PRKCE: variants seen among roughly 807,000 people sequenced by gnomAD.
PRKCE encodes protein kinase C epsilon.
A neutral mutation model predicts 85.4 loss-of-function variants in PRKCE; 16 were observed. That is an observed-to-expected ratio of 0.19 (90% CI 0.13 to 0.28). The LOEUF (loss-of-function observed/expected upper bound fraction) is 0.28. Among genes scored for constraint, PRKCE ranks in the 10% least tolerant of loss-of-function variants. The probability of loss-of-function intolerance (pLI) is 1.00; values close to 1 mark genes in which losing one functional copy is unlikely to be tolerated. For missense variants in PRKCE, 573 were observed against 975.2 expected, an observed-to-expected ratio of 0.59 and a Z score of 5.49; for synonymous variants, 388 against 371.5, an observed-to-expected ratio of 1.04 and a Z score of -0.51.
At chr2:45,661,497 GT>G (rs1333149314) in intron 1 of PRKCE, among the ~76,000 whole-genome samples, 4 of 131,024 alleles carry the variant, frequency 3.1e-5, no homozygotes, top group Non-Finnish European at 4.9e-5. Flanking sequence ...TTCAAGAAGA[GT>G]TTTTTTTGTT....
At chr2:46,077,204 AAATAAT>A (rs539685237) in intron 10 of PRKCE, among the ~76,000 whole-genome samples, 1,772 of 151,746 alleles carry the variant, frequency 0.012, 15 homozygotes, top group Middle Eastern at 0.034. Flanking sequence ...CGCACACCCA[AAATAAT>A]AATAATAATA....
intron 2 of PRKCE, among the ~76,000 whole-genome samples, chr2:45,893,318 C>T (rs1194365510): frequency 1.3e-5 from 2 of 151,624 alleles, no homozygotes; most frequent in South Asian, 2.1e-4. Flanking sequence ...TCATCTCCCA[C>T]AGCACAGCCT....
At chr2:45,958,816 ATTTTTTTTTTTTT>A (rs569651784) in intron 2 of PRKCE, among the ~76,000 whole-genome samples, 154 of 17,990 alleles carry the variant, frequency 8.6e-3, no homozygotes, top group South Asian at 0.012. Context: ...ATATATATAT[ATTTTTTTTTTTTT>A]TTTTTTTTTT....
chr2:46,010,637 A>G lies in PRKCE; in HGVS notation c.1437+120A>G, dbSNP rs757402016. 25 of 1,599,128 alleles carry G rather than the reference A, an allele frequency of 1.6e-5. No individual in the cohort carries two copies. The South Asian group carries it at 2.5e-4, about 16-fold the overall frequency. On this transcript the variant is annotated intron_variant, in intron 10 of 14. Transcript: ENST00000306156. Reference sequence around the variant, plus strand: ...GACTTTGTAAAGTGGGATGGGTTTTACCCTTGAAAAGATCAGGATGTATTT... The same window carrying G: ...GACTTTGTAAAGTGGGATGGGTTTTGCCCTTGAAAAGATCAGGATGTATTT...
chr2:46,128,061 A>G (rs1674040298), intron 11 of PRKCE, among the ~76,000 whole-genome samples: 1 of 152,258 alleles, frequency 6.6e-6, no homozygotes, highest in Non-Finnish European at 1.5e-5. Flanking sequence ...GGCAGTAAAG[A>G]TAAAATGAAA....
intron 2 of PRKCE, among the ~76,000 whole-genome samples, chr2:45,972,339 G>T (rs575297816): frequency 6.6e-6 from 1 of 152,152 alleles, no homozygotes; most frequent in African/African-American, 2.4e-5. Flanking sequence ...TGAATTGTGG[G>T]AGTTTCTTAT....
At chr2:45,819,332 A>C (rs187498264) in intron 1 of PRKCE, among the ~76,000 whole-genome samples, 1 of 152,118 alleles carries the variant, frequency 6.6e-6, no homozygotes, top group Non-Finnish European at 1.5e-5. Flanking sequence ...TCCCAATCCC[A>C]TGTGGTACCC....
At chr2:45,833,371 GCC>G (rs753393040) in intron 1 of PRKCE, among the ~76,000 whole-genome samples, 19 of 152,228 alleles carry the variant, frequency 1.2e-4, no homozygotes, top group Non-Finnish European at 2.6e-4. Context: ...CTCAATCCCA[GCC>G]CTGAATCAAG....
intron 1 of PRKCE, among the ~76,000 whole-genome samples, chr2:45,796,456 T>TA (rs1687442944): frequency 6.6e-6 from 1 of 152,216 alleles, no homozygotes; most frequent in African/African-American, 2.4e-5. Context: ...TGCCACATAA[T>TA]ACAAGCATTG....
chr2:45,945,453 A>G (rs1700178328), intron 2 of PRKCE, among the ~76,000 whole-genome samples: 1 of 151,990 alleles, frequency 6.6e-6, no homozygotes, highest in Non-Finnish European at 1.5e-5. Flanking sequence ...GCCCCAAGCC[A>G]TTCATGAGGG....
chr2:45,775,060 G>C (rs577373782), intron 1 of PRKCE, among the ~76,000 whole-genome samples: 1 of 152,158 alleles, frequency 6.6e-6, no homozygotes, highest in East Asian at 1.9e-4. Context: ...GTTCCCAAGG[G>C]GGGCCTTGAG....
intron 2 of PRKCE, among the ~76,000 whole-genome samples, chr2:45,898,963 G>A (rs1314331526): frequency 1.3e-5 from 2 of 152,220 alleles, no homozygotes; most frequent in Non-Finnish European, 2.9e-5. Flanking sequence ...AATCTTCTTA[G>A]CTAGGCCATA....
intron 1 of PRKCE, among the ~76,000 whole-genome samples, chr2:45,674,164 A>C (rs1378611657): frequency 6.6e-6 from 1 of 152,220 alleles, no homozygotes; most frequent in African/African-American, 2.4e-5. Context: ...TGAAGGAGTC[A>C]AAGACTGATT....
At chr2:45,981,626 C>T (rs1001522017) in intron 5 of PRKCE, among the ~76,000 whole-genome samples, 3 of 152,210 alleles carry the variant, frequency 2.0e-5, no homozygotes, top group East Asian at 3.8e-4. Context: ...CTGCACCTCC[C>T]GACTCCTGGT....
At chr2:45,727,036 T>C (rs548806047) in intron 1 of PRKCE, among the ~76,000 whole-genome samples, 1 of 152,230 alleles carries the variant, frequency 6.6e-6, no homozygotes, top group South Asian at 2.1e-4. Context: ...TTTTTATTAA[T>C]AGACCTGCCA....
At chr2:45,674,242 A>T (rs1016589250) in intron 1 of PRKCE, among the ~76,000 whole-genome samples, 3 of 152,080 alleles carry the variant, frequency 2.0e-5, no homozygotes, top group Non-Finnish European at 1.5e-5. Context: ...AGGATTCCTC[A>T]CTTCCTCTTG....
intron 10 of PRKCE, among the ~76,000 whole-genome samples, chr2:46,022,675 C>T (rs928189203): frequency 6.6e-6 from 1 of 152,220 alleles, no homozygotes; most frequent in South Asian, 2.1e-4. Context: ...GACTAATGCT[C>T]CTACATCAGA....
At chr2:46,128,227 C>CA (rs111423119) in intron 11 of PRKCE, among the ~76,000 whole-genome samples, 3,323 of 143,938 alleles carry the variant, frequency 0.023, 104 homozygotes, top group African/African-American at 0.069. Flanking sequence ...CATCAGTCAA[C>CA]AAAAAAAAAA....
At chr2:45,872,232 G>T (rs763973680) in intron 2 of PRKCE, among the ~76,000 whole-genome samples, 3 of 152,238 alleles carry the variant, frequency 2.0e-5, no homozygotes, top group African/African-American at 4.8e-5. Flanking sequence ...AGGAAACAAA[G>T]TCAGCCATGC....
Sources: gnomAD v4.1 joint callset for allele counts (sites outside exome capture counted in the v4.1 genomes callset) on GRCh38, gnomAD v4.1.1 for gene constraint, MANE v1.5 for transcripts, NCBI Gene and HGNC (gene_info 2026-07-23, HGNC 2026-07-21) for gene names.